ORC4: variants seen among roughly 807,000 people sequenced by gnomAD.
ORC4 encodes origin recognition complex subunit 4, also known as origin recognition complex, subunit 4 homolog.
A neutral mutation model predicts 63.9 loss-of-function variants in ORC4; 55 were observed. The observed-to-expected ratio is 0.86, with a 90% CI of 0.69 to 1.08. ORC4 has a LOEUF of 1.08. Among genes scored for constraint, ORC4 ranks in the 50% least tolerant of loss-of-function variants. The pLI is 0.00. For synonymous variants in ORC4, 150 were observed against 168.5 expected, an observed-to-expected ratio of 0.89 and a Z score of 0.85; for missense variants, 511 against 504.4, an observed-to-expected ratio of 1.01 and a Z score of -0.13.
Position 147,938,230 on chromosome 2 carries a change from G to A in ORC4, c.1055-17C>T. On this transcript the variant is annotated splice_polypyrimidine_tract_variant and intron_variant, in intron 12 of 13. Coordinates refer to ENST00000392857, the MANE Select transcript of ORC4 (RefSeq NM_181741.4). ...TCTGAAACTCTGAGTAGAAAGCAAT[G>A]ACAACATTATACCTTCAAATAAGCA... 6.2e-7 allele frequency: 1 copy of A among 1,608,526 alleles called. No individual in the cohort carries two copies. The highest frequency in any genetic ancestry group is 8.5e-7 in the Non-Finnish European group (1 of 1,175,228).
At chr2:147,963,564 A>C (rs368616696) in intron 4 of ORC4, among the ~76,000 whole-genome samples, 24 of 152,170 alleles carry the variant, frequency 1.6e-4, no homozygotes, top group African/African-American at 5.8e-4. Context: ...GCAGCCTTGC[A>C]CCTGGATCCC....
intron 1 of ORC4, among the ~76,000 whole-genome samples, chr2:147,989,636 G>A (rs1178017978): frequency 6.6e-6 from 1 of 152,066 alleles, no homozygotes; most frequent in African/African-American, 2.4e-5. Flanking sequence ...GAACCCAGGA[G>A]GCGGAGGTTG....
chr2:148,015,535 C>G (rs960718447), intron 1 of ORC4, among the ~76,000 whole-genome samples: 1 of 151,752 alleles, frequency 6.6e-6, no homozygotes, highest in Non-Finnish European at 1.5e-5. Context: ...AGGATGGTAT[C>G]GATCTCCTGA....
chr2:147,962,890 A>C (rs1689686671), intron 4 of ORC4, among the ~76,000 whole-genome samples: 1 of 152,144 alleles, frequency 6.6e-6, no homozygotes, highest in African/African-American at 2.4e-5. Flanking sequence ...TACCCCTGGC[A>C]GGCATGCCCC....
At position 147,934,840 on chromosome 2, in the gene ORC4, CTTG is replaced by C. The variant is rs1687955083; in HGVS notation, c.*667_*669del. On this transcript the variant is annotated 3_prime_UTR_variant, in exon 14 of 14. Transcript: ENST00000392857. ...AATGTTACGTGGTGCCATGACTATA[CTTG>C]TTAAGAAGGAAAATTCCAGTCCTTT... 6.6e-6 allele frequency: 1 copy of C among 152,164 alleles called. No individual in the cohort carries two copies. The allele number at this position is 152,164 out of a possible 1,614,324, so 9.4% of individuals were successfully genotyped here.
intron 7 of ORC4, 54 bp downstream of exon 7, chr2:147,955,292 GA>G: frequency 1.6e-6 from 2 of 1,247,956 alleles, no homozygotes; most frequent in Non-Finnish European, 2.3e-6. Flanking sequence ...TATAATCAGG[GA>G]AAAAATAAAG....
intron 4 of ORC4, among the ~76,000 whole-genome samples, chr2:147,966,177 A>G (rs1689881823): frequency 6.6e-6 from 1 of 152,164 alleles, no homozygotes. Context: ...AAGAAAATAG[A>G]AACACAACTT....
At chr2:148,011,706 A>G (rs943083205) in intron 1 of ORC4, among the ~76,000 whole-genome samples, 1 of 152,194 alleles carries the variant, frequency 6.6e-6, no homozygotes, top group African/African-American at 2.4e-5. Flanking sequence ...ATGTGATCTT[A>G]TACTAACCTA....
At chr2:147,999,263 A>C (rs967373068) in intron 1 of ORC4, among the ~76,000 whole-genome samples, 1 of 152,170 alleles carries the variant, frequency 6.6e-6, no homozygotes, top group African/African-American at 2.4e-5. Flanking sequence ...ATCTACCCTG[A>C]GGACACAAGA....
chr2:147,974,172 G>C (rs1690385261), intron 2 of ORC4, among the ~76,000 whole-genome samples: 1 of 152,034 alleles, frequency 6.6e-6, no homozygotes, highest in South Asian at 2.1e-4. Flanking sequence ...GATTCATTAG[G>C]GACAAAACAA....
chr2:148,008,667 C>T (rs1167827223), intron 1 of ORC4, among the ~76,000 whole-genome samples: 1 of 152,174 alleles, frequency 6.6e-6, no homozygotes. Flanking sequence ...CCCGCCAAAG[C>T]ATTCACCCTG....
At chr2:147,996,946 G>T (rs1692010195) in intron 1 of ORC4, among the ~76,000 whole-genome samples, 1 of 152,220 alleles carries the variant, frequency 6.6e-6, no homozygotes, top group Admixed American at 6.5e-5. Context: ...ACAAAGACCT[G>T]TACCTTCCTG....
At chr2:147,961,607 C>A (rs1411451895) in intron 4 of ORC4, among the ~76,000 whole-genome samples, 1 of 152,100 alleles carries the variant, frequency 6.6e-6, no homozygotes, top group African/African-American at 2.4e-5. Context: ...ATCTCTTCAA[C>A]CTGCCAGCAT....
intron 4 of ORC4, among the ~76,000 whole-genome samples, chr2:147,968,238 A>C (rs1192382133): frequency 6.6e-6 from 1 of 152,086 alleles, no homozygotes; most frequent in African/African-American, 2.4e-5. Context: ...GTCTAGGAAA[A>C]TATCTTATGA....
chr2:148,005,656 CAAAAAAAAAAAAA>C (rs55869341), intron 1 of ORC4, among the ~76,000 whole-genome samples: 937 of 51,534 alleles, frequency 0.018, 27 homozygotes, highest in African/African-American at 0.067. Context: ...ACTATCCATG[CAAAAAAAAAAAAA>C]AAAAAAAAAA....
At chr2:147,935,883 A>C (rs994347494) in intron 13 of ORC4, among the ~76,000 whole-genome samples, 185 bp from the exon 14 acceptor site, 2 of 152,154 alleles carry the variant, frequency 1.3e-5, no homozygotes, top group African/African-American at 4.8e-5. Context: ...ATTATCAGGT[A>C]AAACAGTGTC....
intron 5 of ORC4, 98 bp from the exon 6 acceptor site, chr2:147,958,481 C>A (rs1689391679): frequency 1.2e-6 from 1 of 835,152 alleles, no homozygotes; most frequent in Non-Finnish European, 2.0e-6. Flanking sequence ...CAGTCAAAGC[C>A]TGTGAGTTCA....
chr2:147,967,845 A>G (rs1689986723), intron 4 of ORC4, among the ~76,000 whole-genome samples: 1 of 152,152 alleles, frequency 6.6e-6, no homozygotes. Flanking sequence ...CGCTAAAGCA[A>G]TCTTGAGCAC....
intron 1 of ORC4, among the ~76,000 whole-genome samples, chr2:147,993,798 A>C (rs1054023319): frequency 6.6e-6 from 1 of 152,106 alleles, no homozygotes; most frequent in African/African-American, 2.4e-5. Flanking sequence ...AATCCCTTTT[A>C]CTCCCCAAAG....
Sources: allele counts gnomAD v4.1 joint callset (sites outside exome capture counted in the v4.1 genomes callset), GRCh38; gene constraint gnomAD v4.1.1; transcripts MANE v1.5; gene names NCBI Gene and HGNC (gene_info 2026-07-23, HGNC 2026-07-21).